ADAMTS18: variants seen among roughly 807,000 people sequenced by gnomAD.
The protein encoded by ADAMTS18 is ADAM metallopeptidase with thrombospondin type 1 motif 18, also known as A disintegrin and metalloproteinase with thrombospondin motifs 18.
A neutral mutation model predicts 165.9 loss-of-function variants in ADAMTS18; 157 were observed. That is an observed-to-expected ratio of 0.95 (90% confidence interval 0.83 to 1.08). The LOEUF (loss-of-function observed/expected upper bound fraction) is 1.08. Ranked by LOEUF, ADAMTS18 falls within the 50% of genes least tolerant of loss-of-function variation. The pLI, the probability that ADAMTS18 is intolerant of heterozygous loss-of-function variation, is 0.00. For missense variants in ADAMTS18, 2,040 were observed against 1,534.0 expected, an observed-to-expected ratio of 1.33 and a Z score of -5.51; for synonymous variants, 782 against 578.2, an observed-to-expected ratio of 1.35 and a Z score of -5.06.
intron 12 of ADAMTS18, among the ~76,000 whole-genome samples, chr16:77,333,765 T>C (rs1254259568): frequency 6.7e-6 from 1 of 149,664 alleles, no homozygotes; most frequent in African/African-American, 2.4e-5. Context: ...TGCCATGTTT[T>C]CTTTATCCAT....
intron 12 of ADAMTS18, among the ~76,000 whole-genome samples, chr16:77,329,720 C>T (rs1051977431): frequency 1.3e-5 from 2 of 152,030 alleles, no homozygotes; most frequent in Non-Finnish European, 2.9e-5. Flanking sequence ...AGCATTTGGC[C>T]ATTTCCATAA....
intron 3 of ADAMTS18, among the ~76,000 whole-genome samples, chr16:77,398,074 T>C (rs1234888578): frequency 4.6e-5 from 7 of 152,208 alleles, no homozygotes; most frequent in Non-Finnish European, 7.4e-5. Context: ...CCCAGCACTT[T>C]GGGAGGCCGA....
At chr16:77,330,107 G>C (rs1014797774) in intron 12 of ADAMTS18, among the ~76,000 whole-genome samples, 1 of 152,088 alleles carries the variant, frequency 6.6e-6, no homozygotes, top group African/African-American at 2.4e-5. Flanking sequence ...AACACACCTG[G>C]TGATTCTGAT....
At chr16:77,306,684 T>C (rs550683692) in intron 16 of ADAMTS18, among the ~76,000 whole-genome samples, 44 of 152,324 alleles carry the variant, frequency 2.9e-4, no homozygotes, top group African/African-American at 1.0e-3. Flanking sequence ...ATGTATTCGA[T>C]TGCTTTAAAA....
Position 77,319,832 on chromosome 16 carries a change from A to T in ADAMTS18, c.2532+17T>A. The T allele has an allele frequency of 6.2e-7, 1 of 1,614,010 alleles. No individual in the cohort carries two copies. The highest frequency in any genetic ancestry group is 1.3e-5 in the African/African-American group (1 of 75,040). On this transcript the variant is annotated intron_variant, in intron 16 of 22. Coordinates refer to ENST00000282849, the MANE Select transcript of ADAMTS18 (RefSeq NM_199355.4). ...TAGCAAGAAGCACTGAGAACTGAAT[A>T]CACAGAAGGGGCTTACTTCAAAGAC...
chr16:77,392,321 C>G (rs77681281), intron 3 of ADAMTS18, among the ~76,000 whole-genome samples: 6,295 of 152,238 alleles, frequency 0.041, 188 homozygotes, highest in African/African-American at 0.061. Flanking sequence ...GTGCCCATCC[C>G]TCATTAACTG....
At chr16:77,323,913 G>T (rs566744647) in intron 13 of ADAMTS18, among the ~76,000 whole-genome samples, 1 of 152,302 alleles carries the variant, frequency 6.6e-6, no homozygotes, top group South Asian at 2.1e-4. Context: ...GTAAACATCT[G>T]TTGCATGCAT....
chr16:77,362,637 T>C (rs1244570521), intron 6 of ADAMTS18, among the ~76,000 whole-genome samples: 2 of 152,320 alleles, frequency 1.3e-5, no homozygotes. Context: ...ATTATTTCCA[T>C]AGATGTCAAA....
intron 13 of ADAMTS18, 101 bp from the exon 14 acceptor site, chr16:77,322,567 A>G: frequency 7.0e-7 from 1 of 1,418,960 alleles, no homozygotes; most frequent in Non-Finnish European, 9.8e-7. Flanking sequence ...GAAAGCTATC[A>G]TGATGAATAT....
chr16:77,294,951 G>T lies in ADAMTS18; in HGVS notation c.2978C>A (p.Pro993Gln), dbSNP rs751185373. The part of the protein sequence containing the change: ...VQACNSHACP[P>Q]QWSLGPWSQC... The stretch of plus-strand genomic sequence containing the variant: ...AGACCAGGGTCCAAGGCTCCATTGT[G>T]GAGGGCAGGCATGGCTGTTGCAGGC... Residue 993 changes from proline to glutamine, a missense_variant, in exon 19 of 23, where the codon CCA becomes CAA. Coordinates refer to ENST00000282849, the MANE Select transcript of ADAMTS18 (RefSeq NM_199355.4). The T allele has an allele frequency of 3.1e-6, 5 of 1,614,154 alleles. No individual in the cohort carries two copies. In the South Asian group the frequency reaches 5.5e-5, roughly 18 times the overall value.
At chr16:77,334,150 T>A (rs1289608116) in intron 12 of ADAMTS18, among the ~76,000 whole-genome samples, 1 of 101,474 alleles carries the variant, frequency 9.9e-6, no homozygotes, top group African/African-American at 4.0e-5. Context: ...ATATATTATA[T>A]ATAATATACA....
At chr16:77,331,074 T>G (rs2056181124) in intron 12 of ADAMTS18, among the ~76,000 whole-genome samples, 1 of 152,218 alleles carries the variant, frequency 6.6e-6, no homozygotes, top group East Asian at 1.9e-4. Flanking sequence ...GATTTATTTT[T>G]CATCTTGTTT....
intron 12 of ADAMTS18, among the ~76,000 whole-genome samples, chr16:77,327,625 A>C (rs149820603): frequency 6.6e-6 from 1 of 152,346 alleles, no homozygotes; most frequent in East Asian, 1.9e-4. Flanking sequence ...CCGTTATTCT[A>C]ACTGAAGGGA....
At position 77,378,362 on chromosome 16, in the gene ADAMTS18, AAAC is replaced by A. The variant is rs1182110757; in HGVS notation, c.496-10642_496-10640del. On this transcript the variant is annotated intron_variant, in intron 3 of 22. Transcript: ENST00000282849. ...AAACAAAAAAAAACAAAAAAAAAAAAAACCAAGCCCTTTACTTAGATGATTTTT... is the reference window on the plus strand; with the variant it reads ...AAACAAAAAAAAACAAAAAAAAAAAACAAGCCCTTTACTTAGATGATTTTT... Among the ~76,000 whole-genome samples the A allele has an allele frequency of 6.7e-5, 10 of 149,924 alleles. No individual in the cohort carries two copies. The East Asian group carries it at 2.0e-3, about 30-fold the overall frequency.
At chr16:77,314,262 A>C (rs1296529383) in intron 16 of ADAMTS18, among the ~76,000 whole-genome samples, 1 of 152,038 alleles carries the variant, frequency 6.6e-6, no homozygotes, top group Non-Finnish European at 1.5e-5. Context: ...GAGTTTCAAA[A>C]ATTCATATGT....
chr16:77,285,087 T>G (rs1296612413), intron 22 of ADAMTS18, among the ~76,000 whole-genome samples: 1 of 151,016 alleles, frequency 6.6e-6, no homozygotes, highest in African/African-American at 2.5e-5. Context: ...TCAAGAATTC[T>G]TACTCAGATG....
intron 18 of ADAMTS18, 82 bp from the exon 19 acceptor site, chr16:77,295,209 A>G: frequency 7.0e-7 from 1 of 1,422,358 alleles, no homozygotes; most frequent in Non-Finnish European, 9.8e-7. Flanking sequence ...AAGGTAAACC[A>G]CCTATGGAAG....
rs919394388 is a variant in ADAMTS18, at chr16:77,295,270, G to C, written c.2802-143C>G. 4 of 815,040 alleles carry C rather than the reference G, an allele frequency of 4.9e-6. No homozygotes were observed. In the Admixed American group the frequency reaches 8.0e-5, roughly 16 times the overall value. 50.5% of individuals were successfully genotyped at this position (815,040 alleles called of 1,614,324 possible). A position where few individuals can be genotyped will look rare whatever the true frequency, so the allele number is the denominator to read the frequency against. On this transcript the variant is annotated intron_variant, in intron 18 of 22. Coordinates refer to ENST00000282849, the MANE Select transcript of ADAMTS18 (RefSeq NM_199355.4). ...AGATAAGTTATTCTAATTGTTCTTT[G>C]AGGGATCCAGAGGCTTATACTAATG... is the stretch of plus-strand genomic sequence containing the variant.
Position 77,356,022 on chromosome 16 carries a change from T to TATTGCCTTCAGCCTTTCTGCAGGG in ADAMTS18, c.1354_1377dup (p.Pro452_Asn459dup). ...TTTCCGGTCAGTGTGGGAGACATGA[T>TATTGCCTTCAGCCTTTCTGCAGGG]ATTGCCTTCAGCCTTTCTGCAGGGA... On this transcript the variant is annotated inframe_insertion, in exon 9 of 23. Transcript: ENST00000282849. The TATTGCCTTCAGCCTTTCTGCAGGG allele has an allele frequency of 6.2e-7, 1 of 1,614,100 alleles. No homozygotes were observed. Among genetic ancestry groups the TATTGCCTTCAGCCTTTCTGCAGGG allele is most frequent in the Non-Finnish European group, 8.5e-7 (1 of 1,179,986 alleles).
Sources: allele counts gnomAD v4.1 joint callset (sites outside exome capture counted in the v4.1 genomes callset), GRCh38; gene constraint gnomAD v4.1.1; transcripts MANE v1.5; gene names NCBI Gene and HGNC (gene_info 2026-07-23, HGNC 2026-07-21).